Variants in SEC62 observed in about 807,000 individuals in gnomAD.
SEC62 encodes the protein translocation protein SEC62.
Under a neutral mutation model 47.5 loss-of-function variants are expected in SEC62, and 10 were observed. That is an observed-to-expected ratio of 0.21 (90% CI 0.13 to 0.36). The LOEUF (loss-of-function observed/expected upper bound fraction) is 0.36, where lower values mean the gene tolerates loss of function less well. SEC62 is among the 10% of genes least tolerant of loss of function. SEC62 has a pLI of 1.00. For missense variants in SEC62, 327 were observed against 464.1 expected (o/e 0.70, Z 2.71); for synonymous variants, 136 against 150.5 (o/e 0.90, Z 0.71).
At chr3:169,975,893 A>T (rs953317543) in intron 2 of SEC62, among the ~76,000 whole-genome samples, 177 bp downstream of exon 2, 4 of 152,276 alleles carry the variant, frequency 2.6e-5, no homozygotes, top group Non-Finnish European at 4.4e-5. Context: ...TAATAAAAAG[A>T]TAACATGTTT....
In SEC62 at chr3:169,983,208, C is replaced by A; in HGVS notation, c.504C>A (p.Phe168Leu). The A allele has an allele frequency of 1.2e-6, 2 of 1,612,356 alleles. No homozygotes were observed. The highest frequency in any genetic ancestry group is 2.2e-5 in the South Asian group (2 of 90,930). Residue 168 changes from phenylalanine to leucine, a missense_variant, in exon 5 of 8, where the codon TTC becomes TTA. This residue lies in a region of SEC62 where 99 missense variants were observed against 194.0 expected (regional missense o/e 0.51). Transcript: ENST00000337002. ...TPKKKETKKK[F>L]KLEPHDDQVF... Reference sequence around the variant, plus strand: ...AAAAGAAGGAAACTAAGAAAAAATTCAAACTTGAGCCACATGATGATCAGG... The same window carrying A: ...AAAAGAAGGAAACTAAGAAAAAATTAAAACTTGAGCCACATGATGATCAGG...
In SEC62 at chr3:169,985,844, T is replaced by C. The variant is rs1416644255; in HGVS notation, c.589T>C (p.Phe197Leu). ...CTATGACCCAGTTCACTTTAAAACA[T>C]TTGTCATGGGATTAATTCTTGGTAA... ...WIYDPVHFKT[F>L]VMGLILVIAV... The change falls in exon 6 of 8, where the codon TTT (phenylalanine) becomes CTT (leucine). Residue 197 changes from phenylalanine (F) to leucine (L), a missense_variant. By Grantham distance (22) the Phe-to-Leu change is conservative (BLOSUM62 0). Coordinates refer to ENST00000337002, the MANE Select transcript of SEC62 (RefSeq NM_003262.4). 6.2e-7 allele frequency: 1 copy of C among 1,612,294 alleles called. No homozygotes were observed. Among genetic ancestry groups the C allele is most frequent in the Non-Finnish European group, 8.5e-7 (1 of 1,178,994 alleles).
intron 3 of SEC62, among the ~76,000 whole-genome samples, chr3:169,981,218 T>C (rs1348994031): frequency 6.6e-6 from 1 of 152,214 alleles, no homozygotes; most frequent in South Asian, 2.1e-4. Flanking sequence ...CACAATCATA[T>C]TTACATAATT....
chr3:169,975,496 C>A, intron 1 of SEC62, 112 bp from the exon 2 acceptor site: 1 of 629,558 alleles, frequency 1.6e-6, no homozygotes. Flanking sequence ...AGCTTGAAAG[C>A]AAGGCCTGTA....
rs1344355727 is a variant in SEC62 at position 169,997,506 on chromosome 3, C to T, written c.*4443C>T. ...TTTGAGATGGAGTCTCACTCTGTCA[C>T]CCAGGCTGGAGTGCAGTGGCGAAAT... is the stretch of plus-strand genomic sequence containing the variant. On this transcript the variant is annotated 3_prime_UTR_variant, in exon 8 of 8. Coordinates refer to ENST00000337002, the MANE Select transcript of SEC62 (RefSeq NM_003262.4). 6.6e-6 allele frequency: 1 copy of T among 152,358 alleles called. No individual in the cohort carries two copies. The highest frequency in any genetic ancestry group is 1.5e-5 in the Non-Finnish European group (1 of 68,234). The allele number at this position is 152,358 out of a possible 1,614,324, so 9.4% of individuals were successfully genotyped here. A position where few individuals can be genotyped will look rare whatever the true frequency, so the allele number is the denominator to read the frequency against.
rs1247863390 is a variant in SEC62 at position 169,967,813 on chromosome 3, C to T, written c.36+955C>T. ...TATAATCATAAATTGTTACATTCAT[C>T]ATTGCCTTTCTGTTCCTTACTATTT... On this transcript the variant is annotated intron_variant, in intron 1 of 7. Coordinates refer to ENST00000337002, the MANE Select transcript of SEC62 (RefSeq NM_003262.4). 2.6e-5 allele frequency among the ~76,000 whole-genome samples: 4 copies of T among 152,066 alleles called. No individual in the cohort carries two copies. In the East Asian group the frequency reaches 5.8e-4, roughly 22 times the overall value.
At chr3:169,966,903 A>G (rs1383975635) in intron 1 of SEC62, 45 bp downstream of exon 1, 2 of 1,299,992 alleles carry the variant, frequency 1.5e-6, no homozygotes, top group Non-Finnish European at 2.0e-6. Flanking sequence ...CGCGCTGGAT[A>G]GTGGAAGGGG....
chr3:169,994,725 T>C lies in SEC62; in HGVS notation c.*1662T>C, dbSNP rs1426259439. The C allele has an allele frequency of 6.6e-6, 1 of 152,186 alleles. No individual in the cohort carries two copies. Among genetic ancestry groups the C allele is most frequent in the East Asian group, 1.9e-4 (1 of 5,202 alleles). The allele number at this position is 152,186 out of a possible 1,614,324, so 9.4% of individuals were successfully genotyped here. ...ACTTCTGAGTTTATCACCAGTAACA[T>C]TGATACCTATTTTGGGGTATAAACA... On this transcript the variant is annotated 3_prime_UTR_variant, in exon 8 of 8. Transcript: ENST00000337002.
intron 1 of SEC62, among the ~76,000 whole-genome samples, chr3:169,967,259 T>A (rs1714554593): frequency 6.6e-6 from 1 of 152,138 alleles, no homozygotes; most frequent in African/African-American, 2.4e-5. Flanking sequence ...TGGCCTTAGC[T>A]GGCCTGAAAT....
Position 169,992,539 on chromosome 3 carries a change from T to C in SEC62, c.731-55T>C. Reference sequence around the variant, plus strand: ...TTCCCAGCTTTTTATTAACAAATACTCCCTTCTGAGGCAGTGTTTGAATTA... The same window carrying C: ...TTCCCAGCTTTTTATTAACAAATACCCCCTTCTGAGGCAGTGTTTGAATTA... On this transcript the variant is annotated intron_variant, in intron 7 of 7. Coordinates refer to ENST00000337002, the MANE Select transcript of SEC62 (RefSeq NM_003262.4). This position sits in a 1 kb window ranked among gnomAD's most constrained non-coding sequence, Gnocchi z 4.0. 8.5e-7 allele frequency: 1 copy of C among 1,179,764 alleles called. No individual in the cohort carries two copies. Among genetic ancestry groups the C allele is most frequent in the Non-Finnish European group, 1.2e-6 (1 of 815,964 alleles). 73.1% of individuals were successfully genotyped at this position (1,179,764 alleles called of 1,614,324 possible). A position where few individuals can be genotyped will look rare whatever the true frequency, so the allele number is the denominator to read the frequency against.
chr3:169,967,514 C>G (rs1576853331), intron 1 of SEC62, among the ~76,000 whole-genome samples: 1 of 152,186 alleles, frequency 6.6e-6, no homozygotes, highest in African/African-American at 2.4e-5. Context: ...CAACCACAAC[C>G]TCGTTGGTGC....
Position 169,993,843 on chromosome 3 carries a change from G to C in SEC62, c.*780G>C, listed in dbSNP as rs2108290336. ...TATTTTAATTGTTACTTATTATTTA[G>C]ATATTTCTCAACACTTAAATTCATA... On this transcript the variant is annotated 3_prime_UTR_variant, in exon 8 of 8. Transcript: ENST00000337002. The C allele has an allele frequency of 6.6e-6, 1 of 152,616 alleles. No homozygotes were observed. Among genetic ancestry groups the C allele is most frequent in the Admixed American group, 6.5e-5 (1 of 15,280 alleles). The allele number at this position is 152,616 out of a possible 1,614,324, so 9.5% of individuals were successfully genotyped here.
intron 5 of SEC62, among the ~76,000 whole-genome samples, chr3:169,984,435 T>G (rs1180351231): frequency 6.6e-6 from 1 of 152,082 alleles, no homozygotes; most frequent in Non-Finnish European, 1.5e-5. Flanking sequence ...GTTAATTTAG[T>G]CAGGAAGGAT....
intron 7 of SEC62, among the ~76,000 whole-genome samples, chr3:169,991,691 A>G (rs1715251814): frequency 6.6e-6 from 1 of 152,216 alleles, no homozygotes; most frequent in African/African-American, 2.4e-5. Flanking sequence ...TGACAGAGCA[A>G]GACCTTGTCC....
intron 7 of SEC62, among the ~76,000 whole-genome samples, chr3:169,989,119 G>A (rs1715176190): frequency 6.7e-6 from 1 of 149,808 alleles, no homozygotes; most frequent in Non-Finnish European, 1.5e-5. Context: ...TTAGAGGCAG[G>A]GTCTTGCTCT....
intron 1 of SEC62, chr3:169,969,303 C>T (rs1304244271): frequency 6.6e-6 from 3 of 456,414 alleles, no homozygotes; most frequent in South Asian, 1.5e-5. Flanking sequence ...TTCAGATTCT[C>T]GTGTCCCATC....
chr3:169,973,803 C>T (rs947952983), intron 1 of SEC62, among the ~76,000 whole-genome samples: 5 of 151,996 alleles, frequency 3.3e-5, no homozygotes, highest in Non-Finnish European at 5.9e-5. Flanking sequence ...ACAAATAGCC[C>T]ACAGCTGGTA....
chr3:169,983,776 A>G (rs1445883035), intron 5 of SEC62: 1 of 152,198 alleles, frequency 6.6e-6, no homozygotes, highest in Non-Finnish European at 1.5e-5. Context: ...CATGCATATG[A>G]GAAGTAAAAT....
In SEC62 at chr3:169,996,515, C is replaced by T. The variant is rs554207198; in HGVS notation, c.*3452C>T. On this transcript the variant is annotated 3_prime_UTR_variant, in exon 8 of 8. Coordinates refer to ENST00000337002, the MANE Select transcript of SEC62 (RefSeq NM_003262.4). Reference sequence around the variant, plus strand: ...AAATTGCTACATGTGCTGGATATCTCTTGTTTTCCCCTCCAGCTCCACTCT... The same window carrying T: ...AAATTGCTACATGTGCTGGATATCTTTTGTTTTCCCCTCCAGCTCCACTCT... 30 of 152,774 alleles carry T rather than the reference C, an allele frequency of 2.0e-4. No homozygotes were observed. The highest frequency in any genetic ancestry group is 6.5e-4 in the African/African-American group (27 of 41,568). 9.5% of individuals were successfully genotyped at this position (152,774 alleles called of 1,614,324 possible). A position where few individuals can be genotyped will look rare whatever the true frequency, so the allele number is the denominator to read the frequency against.
Sources: allele counts gnomAD v4.1 joint callset (sites outside exome capture counted in the v4.1 genomes callset), GRCh38; gene constraint gnomAD v4.1.1; regional missense constraint gnomAD v4.1.1; non-coding constraint Gnocchi (gnomAD v3.1); transcripts MANE v1.5; gene names NCBI Gene and HGNC (gene_info 2026-07-23, HGNC 2026-07-21).